PXK: variants seen among roughly 807,000 people sequenced by gnomAD.
PXK encodes PX domain-containing protein kinase-like protein.
In PXK, 35 loss-of-function variants were observed where a neutral mutation model predicts 84.7. That is an observed-to-expected ratio of 0.41 (90% CI 0.32 to 0.55). The LOEUF is 0.55. Ranked by LOEUF, PXK falls within the 20% of genes least tolerant of loss-of-function variation. The probability of loss-of-function intolerance (pLI) is 0.21; values close to 1 mark genes in which losing one functional copy is unlikely to be tolerated. For missense variants in PXK, 634 were observed against 699.7 expected (o/e 0.91, Z 1.06); for synonymous variants, 253 against 260.8 (o/e 0.97, Z 0.29).
intron 3 of PXK, among the ~76,000 whole-genome samples, chr3:58,374,197 T>C (rs2098417278): frequency 7.0e-6 from 1 of 143,250 alleles, no homozygotes; most frequent in African/African-American, 2.6e-5. Flanking sequence ...TTTGAGACAG[T>C]CTCACTCTGT....
At position 58,398,289 on chromosome 3, in the gene PXK, T is replaced by G. The variant is rs1156526482; in HGVS notation, c.1102+567T>G. Among the ~76,000 whole-genome samples the G allele has an allele frequency of 6.6e-6, 1 of 152,166 alleles. No individual in the cohort carries two copies. The highest frequency in any genetic ancestry group is 1.5e-5 in the Non-Finnish European group (1 of 68,036). On this transcript the variant is annotated intron_variant, in intron 11 of 17. Transcript: ENST00000356151. This position sits in a 1 kb window ranked among gnomAD's most constrained non-coding sequence, Gnocchi z 4.5. ...GGAGGTGCATGCCTGTAATCCCAGCTTTTTGGGAGGCTGAGGCACGAGAAT... is the reference window on the plus strand; with the variant it reads ...GGAGGTGCATGCCTGTAATCCCAGCGTTTTGGGAGGCTGAGGCACGAGAAT...
chr3:58,424,050 GA>G (rs2062414286), intron 17 of PXK, among the ~76,000 whole-genome samples: 1 of 152,150 alleles, frequency 6.6e-6, no homozygotes, highest in African/African-American at 2.4e-5. Flanking sequence ...ACTTGAGAAG[GA>G]TTTCTCTGTA....
intron 4 of PXK, among the ~76,000 whole-genome samples, chr3:58,389,375 G>T (rs1472210582): frequency 6.6e-6 from 1 of 152,154 alleles, no homozygotes; most frequent in Non-Finnish European, 1.5e-5. Flanking sequence ...TGAGTTTTGG[G>T]CTTGGGTTGT....
intron 17 of PXK, among the ~76,000 whole-genome samples, chr3:58,420,271 C>T (rs2061620126): frequency 6.6e-6 from 1 of 152,028 alleles, no homozygotes; most frequent in African/African-American, 2.4e-5. Flanking sequence ...GGACAAAGAA[C>T]ATGAAGAAAG....
rs548512771 is a variant in PXK, at chr3:58,414,120, C to T, written c.1528+1157C>T. The T allele has an allele frequency of 3.3e-5, 5 of 151,832 alleles. No homozygotes were observed. The highest frequency in any genetic ancestry group is 2.1e-4 in the South Asian group (1 of 4,790). 9.4% of individuals were successfully genotyped at this position (151,832 alleles called of 1,614,324 possible). A position where few individuals can be genotyped will look rare whatever the true frequency, so the allele number is the denominator to read the frequency against. ...AATGTTGATCAAGACAGAAAATAGG[C>T]CTTTTTTGTCTTTTATGGAGATACA... On this transcript the variant is annotated intron_variant, in intron 17 of 17. Coordinates refer to ENST00000356151, the MANE Select transcript of PXK (RefSeq NM_017771.5). This position sits in a 1 kb window ranked among gnomAD's most constrained non-coding sequence, Gnocchi z 4.5.
intron 1 of PXK, among the ~76,000 whole-genome samples, chr3:58,350,266 G>T (rs2097898170): frequency 6.6e-6 from 1 of 152,096 alleles, no homozygotes; most frequent in African/African-American, 2.4e-5. Context: ...ACTTCTAGGT[G>T]GTGCTCACAT....
Position 58,369,433 on chromosome 3 carries a change from T to C in PXK, c.156T>C (p.Ile52=). The C allele has an allele frequency of 6.2e-7, 1 of 1,608,548 alleles. No individual in the cohort carries two copies. The highest frequency in any genetic ancestry group is 1.1e-5 in the South Asian group (1 of 90,918). Residue 52 remains isoleucine, a splice_region_variant and synonymous_variant, in exon 3 of 18, where the codon ATT becomes ATC. Coordinates refer to ENST00000356151, the MANE Select transcript of PXK (RefSeq NM_017771.5). ...RGISVENSWQ[I]VRRYSDFDLL... ...ACACTACTTCTTGTCTCTTACAGAT[T>C]GTTAGAAGATACAGTGACTTTGATT...
rs1394644705 is a variant in PXK at position 58,409,073 on chromosome 3, C to T, written c.1308+72C>T. 4 of 1,126,316 alleles carry T rather than the reference C, an allele frequency of 3.6e-6. No individual in the cohort carries two copies. The East Asian group carries it at 7.1e-5, about 20-fold the overall frequency. The allele number at this position is 1,126,316 out of a possible 1,614,324, so 69.8% of individuals were successfully genotyped here. On this transcript the variant is annotated intron_variant, in intron 14 of 17. Coordinates refer to ENST00000356151, the MANE Select transcript of PXK (RefSeq NM_017771.5). This position sits in a 1 kb window ranked among gnomAD's most constrained non-coding sequence, Gnocchi z 4.2. ...TGCCGTGGTTTTTATAGTGATTGAC[C>T]TTTGACTGTTCCCTCTGCAAATATT...
chr3:58,409,506 T>A lies in PXK; in HGVS notation c.1309-26T>A, dbSNP rs769606462. 1.9e-6 allele frequency: 3 copies of A among 1,596,128 alleles called. No homozygotes were observed. In the African/African-American group the frequency reaches 4.0e-5, roughly 22 times the overall value. On this transcript the variant is annotated intron_variant, in intron 14 of 17. Transcript: ENST00000356151. The surrounding 1 kb of genome is among the most constrained non-coding windows in gnomAD (Gnocchi z 4.2). ...TTAGGAAGCTGCCTTATGTGGGATA[T>A]GCTTACATCTTATGGTCTTTTAAAG...
chr3:58,391,881 G>A, intron 7 of PXK, 34 bp downstream of exon 7: 1 of 1,544,940 alleles, frequency 6.5e-7, no homozygotes, highest in South Asian at 1.1e-5. Flanking sequence ...TCTCAGTGCT[G>A]ATGATAGAGT....
chr3:58,377,699 C>G (rs998116820), intron 3 of PXK, among the ~76,000 whole-genome samples: 1 of 151,790 alleles, frequency 6.6e-6, no homozygotes, highest in Non-Finnish European at 1.5e-5. Flanking sequence ...ACTTTTTCTC[C>G]CTCCCGAAAT....
At chr3:58,369,754 G>T (rs775961978) in intron 3 of PXK, among the ~76,000 whole-genome samples, 4 of 151,472 alleles carry the variant, frequency 2.6e-5, no homozygotes, top group Non-Finnish European at 4.4e-5. Context: ...AACCTGGGAA[G>T]CGGAGGTTGT....
Position 58,397,182 on chromosome 3 carries a change from A to G in PXK, c.966A>G (p.Ser322=), listed in dbSNP as rs55923915. The G allele has an allele frequency of 2.5e-6, 4 of 1,613,886 alleles. No homozygotes were observed. In the East Asian group the frequency reaches 8.9e-5, roughly 36 times the overall value. The stretch of plus-strand genomic sequence containing the variant: ...CTTCCTTCTACCGATCTTATTTTTC[A>G]CAATTCAGGAAAATCAATGTAAGTT... ...GLPSFYRSYF[S]QFRKINTLES... Residue 322 remains serine, a synonymous_variant, in exon 10 of 18, where the codon TCA becomes TCG. Transcript: ENST00000356151. The surrounding 1 kb of genome is among the most constrained non-coding windows in gnomAD (Gnocchi z 4.7).
intron 3 of PXK, among the ~76,000 whole-genome samples, chr3:58,373,147 T>G (rs1475650599): frequency 6.6e-6 from 1 of 150,822 alleles, no homozygotes; most frequent in Admixed American, 6.7e-5. Flanking sequence ...GGTGCATCTC[T>G]GCTCACTGCA....
chr3:58,352,428 A>T lies in PXK; in HGVS notation c.103-13446A>T, dbSNP rs183562960. Among the ~76,000 whole-genome samples, 4 of 152,332 alleles carry T rather than the reference A, an allele frequency of 2.6e-5. No individual in the cohort carries two copies. The East Asian group carries it at 7.7e-4, about 29-fold the overall frequency. ...TCTATGTTGTTGTCTATTCTAGCCT[A>T]CTAAACATGTAGTGGGTAGTTCTCT... is the stretch of plus-strand genomic sequence containing the variant. On this transcript the variant is annotated intron_variant, in intron 1 of 17. Coordinates refer to ENST00000356151, the MANE Select transcript of PXK (RefSeq NM_017771.5).
Position 58,401,750 on chromosome 3 carries a change from C to T in PXK, c.1182-2112C>T, listed in dbSNP as rs555356145. On this transcript the variant is annotated intron_variant, in intron 12 of 17. Transcript: ENST00000356151. The surrounding 1 kb of genome is among the most constrained non-coding windows in gnomAD (Gnocchi z 4.4). Reference sequence around the variant, plus strand: ...GACCATCCTAGCTAACACGGTGAAACCCTGTCTCTACTAAAAATGCAAAAA... The same window carrying T: ...GACCATCCTAGCTAACACGGTGAAATCCTGTCTCTACTAAAAATGCAAAAA... Among the ~76,000 whole-genome samples, 142 of 152,082 alleles carry T rather than the reference C, an allele frequency of 9.3e-4. No individual in the cohort carries two copies. Among genetic ancestry groups the T allele is most frequent in the African/African-American group, 3.3e-3 (138 of 41,490 alleles).
chr3:58,390,412 T>C lies in PXK; in HGVS notation c.389-170T>C, dbSNP rs1170913909. Among the ~76,000 whole-genome samples, 1 of 152,184 alleles carries C rather than the reference T, an allele frequency of 6.6e-6. No individual in the cohort carries two copies. The highest frequency in any genetic ancestry group is 1.5e-5 in the Non-Finnish European group (1 of 68,032). ...CCAGGGTCCAATCTAAAATCCCACATTGCATTTAGTTTGTGTGTATTTTCT... is the reference window on the plus strand; with the variant it reads ...CCAGGGTCCAATCTAAAATCCCACACTGCATTTAGTTTGTGTGTATTTTCT... On this transcript the variant is annotated intron_variant, in intron 4 of 17. Coordinates refer to ENST00000356151, the MANE Select transcript of PXK (RefSeq NM_017771.5). The surrounding 1 kb of genome is among the most constrained non-coding windows in gnomAD (Gnocchi z 4.2).
Position 58,333,184 on chromosome 3 carries a change from G to A in PXK, c.102+94G>A. Reference sequence around the variant, plus strand: ...TGGCGCGGGCCGGGCAGGGTCGTCGGACGGAGACCGGGCCACAGGGTGGGC... The same window carrying A: ...TGGCGCGGGCCGGGCAGGGTCGTCGAACGGAGACCGGGCCACAGGGTGGGC... On this transcript the variant is annotated intron_variant, in intron 1 of 17. Transcript: ENST00000356151. This position sits in a 1 kb window ranked among gnomAD's most constrained non-coding sequence, Gnocchi z 5.4. The A allele has an allele frequency of 1.4e-6, 1 of 735,778 alleles. No homozygotes were observed. The highest frequency in any genetic ancestry group is 1.7e-6 in the Non-Finnish European group (1 of 597,262). 45.6% of individuals were successfully genotyped at this position (735,778 alleles called of 1,614,324 possible). A position where few individuals can be genotyped will look rare whatever the true frequency, so the allele number is the denominator to read the frequency against.
At chr3:58,354,197 C>T (rs6771642) in intron 1 of PXK, among the ~76,000 whole-genome samples, 20,892 of 152,044 alleles carry the variant, frequency 0.14, 2,293 homozygotes, top group African/African-American at 0.3. Flanking sequence ...CTCCTTTAAA[C>T]GGCATTGGCA....
Sources: allele counts gnomAD v4.1 joint callset (sites outside exome capture counted in the v4.1 genomes callset), GRCh38; gene constraint gnomAD v4.1.1; non-coding constraint Gnocchi (gnomAD v3.1); transcripts MANE v1.5; gene names NCBI Gene and HGNC (gene_info 2026-07-23, HGNC 2026-07-21).